The following WAC variants were observed in gnomAD, a reference collection of about 807,000 sequenced individuals.
WAC encodes WW domain containing adaptor with coiled-coil.
In WAC, 11 loss-of-function variants were observed where a neutral mutation model predicts 79.6. That is an observed-to-expected ratio of 0.14 (90% CI 0.09 to 0.23). WAC has a LOEUF of 0.23. Among genes scored for constraint, WAC ranks in the 10% least tolerant of loss-of-function variants. WAC has a pLI of 1.00. For synonymous variants in WAC, 304 were observed against 276.9 expected (o/e 1.10, Z -0.97); for missense variants, 728 against 773.5 (o/e 0.94, Z 0.70).
At chr10:28,588,567 C>T (rs1034440259) in intron 4 of WAC, among the ~76,000 whole-genome samples, 4 of 152,102 alleles carry the variant, frequency 2.6e-5, no homozygotes, top group Non-Finnish European at 5.9e-5. Context: ...CAGCTTGTTT[C>T]CTAGTTGTTA....
intron 10 of WAC, among the ~76,000 whole-genome samples, chr10:28,612,538 G>T: frequency 6.6e-6 from 1 of 152,340 alleles, no homozygotes; most frequent in African/African-American, 2.4e-5. Flanking sequence ...AATGGTAAAT[G>T]TAGGGGGAAT....
At chr10:28,594,364 C>A (rs1435070119) in intron 6 of WAC, among the ~76,000 whole-genome samples, 1 of 152,100 alleles carries the variant, frequency 6.6e-6, no homozygotes, top group Admixed American at 6.6e-5. Context: ...CTTAGTTGTA[C>A]CTCATTGCAG....
rs1431836634 is a variant in WAC, at chr10:28,592,623, AAAAAAAG to A, written c.610+1803_610+1809del. 2.0e-5 allele frequency among the ~76,000 whole-genome samples: 3 copies of A among 152,042 alleles called. No individual in the cohort carries two copies. In the East Asian group the frequency reaches 5.8e-4, roughly 29 times the overall value. ...GTGACAGAGCAAGACTCTGTCTCCA[AAAAAAAG>A]AAAAAAGAAAATGAGTGATGAGTGA... On this transcript the variant is annotated intron_variant, in intron 6 of 13. Transcript: ENST00000354911.
At chr10:28,617,924 C>G (rs575168322) in intron 13 of WAC, 140 bp downstream of exon 13, 1 of 1,005,044 alleles carries the variant, frequency 9.9e-7, no homozygotes, top group Admixed American at 4.1e-5. Flanking sequence ...ACTGCATTTT[C>G]ATAAGTTAAT....
At chr10:28,535,237 CTTT>C (rs1011544512) in intron 2 of WAC, 2 of 169,990 alleles carry the variant, frequency 1.2e-5, no homozygotes, top group Non-Finnish European at 2.4e-5. Flanking sequence ...TTCTAGTTTT[CTTT>C]TGACTATCAA....
intron 4 of WAC, among the ~76,000 whole-genome samples, chr10:28,588,366 A>G (rs992517035): frequency 1.3e-5 from 2 of 152,126 alleles, no homozygotes; most frequent in African/African-American, 4.8e-5. Flanking sequence ...TTATTTTGGG[A>G]TGTAAACCTG....
rs1841745169 is a variant in WAC, at chr10:28,623,013, A to G, written c.*3407A>G. On this transcript the variant is annotated 3_prime_UTR_variant, in exon 14 of 14. Coordinates refer to ENST00000354911, the MANE Select transcript of WAC (RefSeq NM_016628.5). Reference sequence around the variant, plus strand: ...AAAGTAATAAATATGTTTTGACTATATTGTGCAGTTATTTCAGAACTGTGT... The same window carrying G: ...AAAGTAATAAATATGTTTTGACTATGTTGTGCAGTTATTTCAGAACTGTGT... The G allele has an allele frequency of 6.6e-6, 1 of 152,144 alleles. No homozygotes were observed. Among genetic ancestry groups the G allele is most frequent in the African/African-American group, 2.4e-5 (1 of 41,430 alleles). The allele number at this position is 152,144 out of a possible 1,614,324, so 9.4% of individuals were successfully genotyped here.
chr10:28,595,882 G>A lies in WAC; in HGVS notation c.760G>A (p.Val254Ile), dbSNP rs1383135152. The A allele has an allele frequency of 2.5e-6, 4 of 1,614,104 alleles. No individual in the cohort carries two copies. The stretch of plus-strand genomic sequence containing the variant: ...AGTACAGCACCCCATCAAACCAGTG[G>A]TTCATCCAACTGCTACCCCAAGCAC... ...TPVQHPIKPV[V>I]HPTATPSTVP... The change falls in exon 7 of 14, where the codon GTT becomes ATT. Residue 254 changes from valine (V) to isoleucine (I), a missense_variant. Coordinates refer to ENST00000354911, the MANE Select transcript of WAC (RefSeq NM_016628.5).
chr10:28,584,389 G>A (rs760508627), intron 4 of WAC, among the ~76,000 whole-genome samples: 1 of 152,148 alleles, frequency 6.6e-6, no homozygotes, highest in Non-Finnish European at 1.5e-5. Flanking sequence ...TTGACAGTGT[G>A]GAAAAATGGC....
intron 3 of WAC, among the ~76,000 whole-genome samples, chr10:28,541,841 T>G (rs183239455): frequency 1.3e-5 from 2 of 152,270 alleles, no homozygotes; most frequent in East Asian, 3.9e-4. Flanking sequence ...CCACCTTTTC[T>G]TAGCTTGAAT....
rs377344462 is a variant in WAC, at chr10:28,589,822, A to G, written c.468A>G (p.Gln156=). 1.4e-5 allele frequency: 23 copies of G among 1,613,618 alleles called. No individual in the cohort carries two copies. The highest frequency in any genetic ancestry group is 1.7e-5 in the Admixed American group (1 of 60,008). ...ACAATTGTCGAACAGAAGTTTCACA[A>G]TGGGAAAAACCAAAAGAGTGGCTTG... ...YYYNCRTEVS[Q]WEKPKEWLER... The change falls in exon 5 of 14, where the codon CAA becomes CAG. Residue 156 remains glutamine, a synonymous_variant. Coordinates refer to ENST00000354911, the MANE Select transcript of WAC (RefSeq NM_016628.5).
chr10:28,609,617 A>G (rs1471649520), intron 8 of WAC, among the ~76,000 whole-genome samples: 2 of 152,302 alleles, frequency 1.3e-5, no homozygotes, highest in Middle Eastern at 6.8e-3. Flanking sequence ...GGCCAGATGC[A>G]GTGGCTCATG....
intron 7 of WAC, among the ~76,000 whole-genome samples, chr10:28,600,104 G>A (rs1452886356): frequency 6.6e-6 from 1 of 152,150 alleles, no homozygotes; most frequent in Non-Finnish European, 1.5e-5. Context: ...TCTCTATTTA[G>A]TGATTTAGAA....
intron 4 of WAC, among the ~76,000 whole-genome samples, chr10:28,586,208 C>G (rs556517242): frequency 6.6e-6 from 1 of 152,226 alleles, no homozygotes; most frequent in African/African-American, 2.4e-5. Flanking sequence ...ATCAAGTTAA[C>G]TATTAAAAAC....
At chr10:28,612,969 T>C (rs1841314538) in intron 10 of WAC, among the ~76,000 whole-genome samples, 1 of 152,168 alleles carries the variant, frequency 6.6e-6, no homozygotes, top group Non-Finnish European at 1.5e-5. Context: ...TTATAGTCAC[T>C]TGTAAACTGA....
intron 2 of WAC, 76 bp from the exon 3 acceptor site, chr10:28,535,486 C>T (rs747098399): frequency 1.4e-5 from 20 of 1,429,802 alleles, no homozygotes; most frequent in Non-Finnish European, 1.9e-5. Flanking sequence ...GATAATACAC[C>T]AAAGTTTATG....
intron 3 of WAC, among the ~76,000 whole-genome samples, chr10:28,548,757 C>T (rs1434181990): frequency 6.6e-6 from 1 of 152,154 alleles, no homozygotes; most frequent in Non-Finnish European, 1.5e-5. Context: ...TAGGTCAACT[C>T]TATCAAATAG....
Position 28,583,422 on chromosome 10 carries a change from A to G in WAC, c.298A>G (p.Asn100Asp), listed in dbSNP as rs774344654. ...AGGGACCAGTTACTCTCCACAAGAA[A>G]ATTCACACAACCACAGTGCTCTTCA... Reference protein sequence around the residue: ...DGGTSYSPQENSHNHSALHSS... With the variant: ...DGGTSYSPQEDSHNHSALHSS... The change falls in exon 4 of 14, where the codon AAT becomes GAT. Residue 100 changes from asparagine (N) to aspartate (D), a missense_variant. Around this residue, in one of 3 missense-constraint regions of WAC, gnomAD observed 648 missense variants for 661.5 expected, o/e 0.98. Transcript: ENST00000354911. 1 of 1,586,746 alleles carries G rather than the reference A, an allele frequency of 6.3e-7. No individual in the cohort carries two copies. Among genetic ancestry groups the G allele is most frequent in the South Asian group, 1.2e-5 (1 of 85,478 alleles).
At chr10:28,543,512 TATTGA>T (rs1837177013) in intron 3 of WAC, among the ~76,000 whole-genome samples, 1 of 152,264 alleles carries the variant, frequency 6.6e-6, no homozygotes, top group South Asian at 2.1e-4. Context: ...GAATGATGGT[TATTGA>T]ATTGGACAAT....
Sources: allele counts gnomAD v4.1 joint callset (sites outside exome capture counted in the v4.1 genomes callset), GRCh38; gene constraint gnomAD v4.1.1; regional missense constraint gnomAD v4.1.1; transcripts MANE v1.5; gene names NCBI Gene and HGNC (gene_info 2026-07-23, HGNC 2026-07-21).